Variants in ABCB8 observed in about 807,000 individuals in gnomAD.
The protein encoded by ABCB8 is ATP binding cassette subfamily B member 8.
Under a neutral mutation model 73.0 loss-of-function variants are expected in ABCB8, and 52 were observed. That is an observed-to-expected ratio of 0.71 (90% CI 0.57 to 0.90). The LOEUF is 0.90. Ranked by LOEUF, ABCB8 falls within the 40% of genes least tolerant of loss-of-function variation. The pLI is 0.00. For synonymous variants in ABCB8, 428 were observed against 423.5 expected (o/e 1.01, Z -0.13); for missense variants, 909 against 974.6 (o/e 0.93, Z 0.90).
chr7:151,029,031 C>T, intron 1 of ABCB8: 2 of 1,173,572 alleles, frequency 1.7e-6, no homozygotes, highest in Non-Finnish European at 2.2e-6. Context: ...GGATAAAGAG[C>T]CAATCTAATA....
intron 1 of ABCB8, chr7:151,031,654 CAG>C (rs1019236639): frequency 1.2e-5 from 2 of 167,572 alleles, no homozygotes; most frequent in South Asian, 1.7e-4. Context: ...TTTTTCAAGA[CAG>C]AGTCTTGCTC....
chr7:151,042,030 G>A lies in ABCB8; in HGVS notation c.1687G>A (p.Glu563Lys), dbSNP rs1234777507. The A allele has an allele frequency of 6.2e-7, 1 of 1,613,164 alleles. No individual in the cohort carries two copies. Among genetic ancestry groups the A allele is most frequent in the Admixed American group, 1.7e-5 (1 of 60,028 alleles). ...TGGGAAGCTGGAAGCTTCCGATGAA[G>A]AGGTGTACACAGCCGCCCGGGAAGC... ...RFGKLEASDE[E>K]VYTAAREANA... The change falls in exon 14 of 16, where the codon GAG (glutamate) becomes AAG (lysine). Residue 563 changes from glutamate to lysine, a missense_variant. Coordinates refer to ENST00000358849, the MANE Select transcript of ABCB8 (RefSeq NM_007188.5).
At chr7:151,043,931 T>C (rs1429516886) in intron 14 of ABCB8, 40 bp from the exon 15 acceptor site, 4 of 1,599,182 alleles carry the variant, frequency 2.5e-6, no homozygotes, top group Non-Finnish European at 3.4e-6. Flanking sequence ...CACCCTCAAG[T>C]GCACAGCTTC....
At position 151,044,365 on chromosome 7, in the gene ABCB8, A is replaced by C. The variant is rs1584960292; in HGVS notation, c.2016+144A>C. On this transcript the variant is annotated intron_variant, in intron 15 of 15. Transcript: ENST00000358849. ...ATTCTGGAAGCAGCGTCCCATATAGAGTCAGGAGTTCCTGCATTCAGCCAA... is the reference window on the plus strand; with the variant it reads ...ATTCTGGAAGCAGCGTCCCATATAGCGTCAGGAGTTCCTGCATTCAGCCAA... 4.4e-6 allele frequency: 6 copies of C among 1,361,032 alleles called. No homozygotes were observed. In the East Asian group the frequency reaches 1.4e-4, roughly 32 times the overall value. 84.3% of individuals were successfully genotyped at this position (1,361,032 alleles called of 1,614,324 possible). A position where few individuals can be genotyped will look rare whatever the true frequency, so the allele number is the denominator to read the frequency against.
Position 151,040,875 on chromosome 7 carries a change from C to T in ABCB8, c.1436C>T (p.Thr479Met), listed in dbSNP as rs1229788875. Residue 479 changes from threonine to methionine, a missense_variant, in exon 12 of 16, where the codon ACG (threonine) becomes ATG (methionine). Coordinates refer to ENST00000358849, the MANE Select transcript of ABCB8 (RefSeq NM_007188.5). ...GFEVLKDFTL[T>M]LPPGKIVALV... ...GAGGTGCTGAAAGACTTCACCCTGA[C>T]GCTGCCCCCTGGCAAGATCGTGGCC... The T allele has an allele frequency of 3.1e-6, 5 of 1,605,716 alleles. No individual in the cohort carries two copies. In the South Asian group the frequency reaches 3.3e-5, roughly 11 times the overall value.
At chr7:151,033,539 T>C (rs1320861927) in intron 1 of ABCB8, 66 bp from the exon 2 acceptor site, 1 of 1,511,202 alleles carries the variant, frequency 6.6e-7, no homozygotes, top group African/African-American at 1.4e-5. Flanking sequence ...CAGAGCCCCA[T>C]GGGTGTGCTG....
rs1177836124 is a variant in ABCB8, at chr7:151,045,235, G to C, written c.2043G>C (p.Lys681Asn). 6.3e-7 allele frequency: 1 copy of C among 1,592,858 alleles called. No individual in the cohort carries two copies. Among genetic ancestry groups the C allele is most frequent in the African/African-American group, 1.4e-5 (1 of 73,676 alleles). Reference sequence around the variant, plus strand: ...CTGGGACACATGAAGAGCTCCTGAAGAAAGGCGGGCTATACGCCGAGCTCA... The same window carrying C: ...CTGGGACACATGAAGAGCTCCTGAACAAAGGCGGGCTATACGCCGAGCTCA... The part of the protein sequence containing the change: ...WEAGTHEELL[K>N]KGGLYAELIR... Residue 681 changes from lysine (K) to asparagine (N), a missense_variant, in exon 16 of 16, where the codon AAG (lysine) becomes AAC (asparagine). Coordinates refer to ENST00000358849, the MANE Select transcript of ABCB8 (RefSeq NM_007188.5).
intron 2 of ABCB8, 124 bp from the exon 3 acceptor site, chr7:151,034,149 C>T (rs1359879277): frequency 1.1e-5 from 14 of 1,253,876 alleles, no homozygotes; most frequent in Admixed American, 2.3e-5. Flanking sequence ...GTCCACATGA[C>T]CAGCCACAAC....
Position 151,033,577 on chromosome 7 carries a change from A to G in ABCB8, c.96-28A>G, listed in dbSNP as rs745921949. 24 of 1,524,970 alleles carry G rather than the reference A, an allele frequency of 1.6e-5. No homozygotes were observed. The Admixed American group carries it at 1.9e-4, about 12-fold the overall frequency. The allele number at this position is 1,524,970 out of a possible 1,614,324, so 94.5% of individuals were successfully genotyped here. On this transcript the variant is annotated intron_variant, in intron 1 of 15. Coordinates refer to ENST00000358849, the MANE Select transcript of ABCB8 (RefSeq NM_007188.5). ...CAGCAGGAGGGCAGTCGGAGCCTCA[A>G]GCCATCCATGCCTCTCTCTCCTTAC...
chr7:151,045,591 C>T lies in ABCB8; in HGVS notation c.*242C>T. 2.2e-6 allele frequency: 1 copy of T among 454,222 alleles called. No homozygotes were observed. Among genetic ancestry groups the T allele is most frequent in the Non-Finnish European group, 3.8e-6 (1 of 263,688 alleles). The allele number at this position is 454,222 out of a possible 1,614,324, so 28.1% of individuals were successfully genotyped here. On this transcript the variant is annotated 3_prime_UTR_variant, in exon 16 of 16. Coordinates refer to ENST00000358849, the MANE Select transcript of ABCB8 (RefSeq NM_007188.5). ...AGAGTCTGCCAGAGTCATTGGGCTGCAATGGGCAGAGACAGAGTTCCACGA... is the reference window on the plus strand; with the variant it reads ...AGAGTCTGCCAGAGTCATTGGGCTGTAATGGGCAGAGACAGAGTTCCACGA...
chr7:151,035,819 C>T, intron 6 of ABCB8, 63 bp from the exon 7 acceptor site: 1 of 1,610,174 alleles, frequency 6.2e-7, no homozygotes. Flanking sequence ...CCTCCCTGTC[C>T]CCATCCTGGA....
intron 9 of ABCB8, chr7:151,037,148 C>T (rs1248119955): frequency 5.7e-6 from 4 of 702,704 alleles, no homozygotes; most frequent in Non-Finnish European, 7.8e-6. Context: ...ACTTTCTGTC[C>T]TTATGATTTG....
Position 151,034,326 on chromosome 7 carries a change from G to A in ABCB8, c.462G>A (p.Gln154=), listed in dbSNP as rs577049519. The A allele has an allele frequency of 1.2e-5, 20 of 1,613,812 alleles. No homozygotes were observed. In the East Asian group the frequency reaches 4.5e-4, roughly 36 times the overall value. ...VNVQIPLLLG[Q]LVEVVAKYTR... ...TACAGATCCCCCTGCTCCTGGGCCA[G>A]CTGGTAGAGGTCGTGGCCAAGTACA... The change falls in exon 3 of 16, where the codon CAG becomes CAA. Residue 154 remains glutamine (Q), a synonymous_variant. Transcript: ENST00000358849.
intron 15 of ABCB8, 145 bp from the exon 16 acceptor site, chr7:151,045,064 G>T: frequency 1.0e-6 from 1 of 995,382 alleles, no homozygotes; most frequent in Non-Finnish European, 1.4e-6. Flanking sequence ...CTTTCAGATT[G>T]GGCATTGGTT....
rs751250808 is a variant in ABCB8, at chr7:151,034,619, G to A, written c.659+20G>A. 17 of 1,613,760 alleles carry A rather than the reference G, an allele frequency of 1.1e-5. No homozygotes were observed. In the South Asian group the frequency reaches 1.1e-4, roughly 10 times the overall value. On this transcript the variant is annotated intron_variant, in intron 4 of 15. Coordinates refer to ENST00000358849, the MANE Select transcript of ABCB8 (RefSeq NM_007188.5). ...GCTCCGGTACTGCCAGCCGCAGGGT[G>A]CAGAGTTGGGGTGACTGATGGCCTG...
chr7:151,036,782 A>G (rs1327757876), intron 9 of ABCB8, 133 bp downstream of exon 9: 1 of 811,182 alleles, frequency 1.2e-6, no homozygotes, highest in Non-Finnish European at 2.1e-6. Context: ...CAGCTTCCCC[A>G]GGGATGCATA....
intron 1 of ABCB8, chr7:151,031,189 A>G (rs1796151813): frequency 1.7e-6 from 2 of 1,142,896 alleles, no homozygotes; most frequent in Non-Finnish European, 2.5e-6. Context: ...AACATCTATT[A>G]TGTACCGGAG....
At chr7:151,040,741 C>G (rs955933462) in intron 11 of ABCB8, 87 bp from the exon 12 acceptor site, 19 of 1,599,068 alleles carry the variant, frequency 1.2e-5, no homozygotes, top group Non-Finnish European at 1.5e-5. Context: ...CAGGCCCTCT[C>G]AGAGGGCTAC....
At chr7:151,034,176 C>A in intron 2 of ABCB8, 97 bp from the exon 3 acceptor site, 1 of 1,391,036 alleles carries the variant, frequency 7.2e-7, no homozygotes, top group Non-Finnish European at 9.9e-7. Context: ...AAGCGCAGTG[C>A]TCAGTAGTGG....
Sources: allele counts gnomAD v4.1 joint callset, GRCh38; gene constraint gnomAD v4.1.1; transcripts MANE v1.5; gene names NCBI Gene and HGNC (gene_info 2026-07-23, HGNC 2026-07-21).